Variants in HEATR1 observed in about 807,000 individuals in gnomAD.
HEATR1 encodes HEAT repeat containing 1.
HEATR1 carries 77 observed loss-of-function variants against 248.2 expected under a neutral mutation model. The observed-to-expected ratio is 0.31, with a 90% CI of 0.26 to 0.37. The LOEUF (loss-of-function observed/expected upper bound fraction) is 0.37. HEATR1 is among the 10% of genes least tolerant of loss of function. The pLI, the probability that HEATR1 is intolerant of heterozygous loss-of-function variation, is 1.00. For missense variants in HEATR1, 2,420 were observed against 2,504.9 expected (o/e 0.97, Z 0.72); for synonymous variants, 897 against 923.1 (o/e 0.97, Z 0.51).
chr1:236,598,507 T>C (rs1462632603), intron 4 of HEATR1, among the ~76,000 whole-genome samples: 1 of 152,056 alleles, frequency 6.6e-6, no homozygotes, highest in African/African-American at 2.4e-5. Flanking sequence ...GCAATAAGAG[T>C]GCCTAGGGAG....
chr1:236,568,780 T>C (rs539206582), intron 29 of HEATR1, among the ~76,000 whole-genome samples: 5 of 151,786 alleles, frequency 3.3e-5, no homozygotes, highest in Non-Finnish European at 5.9e-5. Flanking sequence ...TTTATATTAT[T>C]GAGAAAGACA....
chr1:236,552,196 C>T (rs1459873166), intron 43 of HEATR1, 89 bp from the exon 44 acceptor site: 1 of 813,538 alleles, frequency 1.2e-6, no homozygotes. Flanking sequence ...CAAGCTCTAA[C>T]TTTTTAAACA....
intron 3 of HEATR1, 75 bp downstream of exon 3, chr1:236,603,084 TA>T: frequency 9.4e-7 from 1 of 1,068,470 alleles, no homozygotes; most frequent in South Asian, 1.4e-5. Flanking sequence ...TTTAATTTGA[TA>T]AGTTCTCAAC....
intron 28 of HEATR1, among the ~76,000 whole-genome samples, chr1:236,569,504 G>A (rs188327346): frequency 6.6e-6 from 1 of 152,048 alleles, no homozygotes; most frequent in African/African-American, 2.4e-5. Context: ...AATAAAAAGA[G>A]AAATAACCTG....
chr1:236,584,089 G>T (rs941361459), intron 17 of HEATR1, among the ~76,000 whole-genome samples: 1 of 152,144 alleles, frequency 6.6e-6, no homozygotes, highest in African/African-American at 2.4e-5. Context: ...AACGTCTCCA[G>T]TGAGGGATTT....
At position 236,561,077 on chromosome 1, in the gene HEATR1, G is replaced by A. The variant is rs927502055; in HGVS notation, c.4646+148C>T. On this transcript the variant is annotated intron_variant, in intron 33 of 44. Transcript: ENST00000366582. ...TCAGAGAAAAAACCCTACATAGGGA[G>A]AACGCTAAGGCAAATGTGGCAGAAA... is the stretch of plus-strand genomic sequence containing the variant. The A allele has an allele frequency of 1.4e-5, 9 of 633,902 alleles. No individual in the cohort carries two copies. The South Asian group carries it at 1.7e-4, about 12-fold the overall frequency. 39.3% of individuals were successfully genotyped at this position (633,902 alleles called of 1,614,324 possible).
intron 3 of HEATR1, among the ~76,000 whole-genome samples, chr1:236,600,618 C>G (rs1485148252): frequency 1.3e-5 from 2 of 151,778 alleles, no homozygotes; most frequent in African/African-American, 4.8e-5. Flanking sequence ...GCAACCTTCG[C>G]CTCCCAAGTT....
chr1:236,561,374 C>A, intron 32 of HEATR1, 103 bp from the exon 33 acceptor site: 1 of 829,934 alleles, frequency 1.2e-6, no homozygotes. Flanking sequence ...AAACCTTCCA[C>A]AGCAACTGTT....
chr1:236,591,876 T>C (rs1664047513), intron 11 of HEATR1, 117 bp downstream of exon 11: 2 of 605,708 alleles, frequency 3.3e-6, no homozygotes, highest in South Asian at 2.6e-5. Context: ...TGTAGAAGGT[T>C]ATCTCTGTAA....
intron 16 of HEATR1, 113 bp downstream of exon 16, chr1:236,585,707 T>G: frequency 1.2e-6 from 1 of 862,896 alleles, no homozygotes; most frequent in Non-Finnish European, 1.8e-6. Flanking sequence ...TAAAACCAAG[T>G]ACTCAAGAAT....
intron 25 of HEATR1, 74 bp from the exon 26 acceptor site, chr1:236,572,628 T>C (rs899738449): frequency 1.2e-6 from 2 of 1,603,232 alleles, no homozygotes; most frequent in African/African-American, 2.7e-5. Flanking sequence ...TTGTGCCTGA[T>C]TATAGCAAAT....
chr1:236,565,891 C>T, intron 31 of HEATR1, 28 bp downstream of exon 31: 1 of 1,598,012 alleles, frequency 6.3e-7, no homozygotes, highest in Non-Finnish European at 8.5e-7. Flanking sequence ...TCAGATTGAA[C>T]AGTAAGTGAC....
At chr1:236,583,336 C>T (rs78914226) in intron 17 of HEATR1, 140 bp from the exon 18 acceptor site, 10 of 639,004 alleles carry the variant, frequency 1.6e-5, no homozygotes, top group Non-Finnish European at 1.8e-5. Context: ...CTGCTTTGGT[C>T]GGATTTTTAA....
Position 236,597,994 on chromosome 1 carries a change from A to G in HEATR1, c.502-15T>C. 1 of 1,538,018 alleles carries G rather than the reference A, an allele frequency of 6.5e-7. No homozygotes were observed. Among genetic ancestry groups the G allele is most frequent in the Non-Finnish European group, 9.0e-7 (1 of 1,111,506 alleles). ...ACTCCAGATTGCTGTTATTGATGGA[A>G]AGAACAAACTACTAGCAACATTCAT... On this transcript the variant is annotated splice_polypyrimidine_tract_variant and intron_variant, in intron 4 of 44. Coordinates refer to ENST00000366582, the MANE Select transcript of HEATR1 (RefSeq NM_018072.6).
At chr1:236,592,793 T>G (rs1001702618) in intron 9 of HEATR1, among the ~76,000 whole-genome samples, 160 bp from the exon 10 acceptor site, 11 of 152,230 alleles carry the variant, frequency 7.2e-5, no homozygotes, top group Non-Finnish European at 1.6e-4. Context: ...AGAGGCCTGG[T>G]GTAGTGGTTC....
intron 2 of HEATR1, 147 bp from the exon 3 acceptor site, chr1:236,603,523 T>C (rs1664383348): frequency 4.6e-6 from 3 of 655,036 alleles, no homozygotes; most frequent in African/African-American, 3.6e-5. Flanking sequence ...CACTGATTTC[T>C]AGTTTTCAAC....
At chr1:236,572,915 T>C (rs1026900350) in intron 24 of HEATR1, 87 bp from the exon 25 acceptor site, 3 of 1,208,256 alleles carry the variant, frequency 2.5e-6, no homozygotes, top group African/African-American at 1.5e-5. Flanking sequence ...GAAGGATTTA[T>C]TCAATTAAGA....
intron 32 of HEATR1, among the ~76,000 whole-genome samples, chr1:236,562,144 G>A: frequency 6.6e-6 from 1 of 152,132 alleles, no homozygotes; most frequent in East Asian, 1.9e-4. Context: ...CACATTTCCT[G>A]CTTACTGGAG....
rs11338847 is a variant in HEATR1 at position 236,581,420 on chromosome 1, T to TA, written c.2563-7dup. On this transcript the variant is annotated splice_region_variant and splice_polypyrimidine_tract_variant and intron_variant, in intron 19 of 44. Coordinates refer to ENST00000366582, the MANE Select transcript of HEATR1 (RefSeq NM_018072.6). The stretch of plus-strand genomic sequence containing the variant: ...AAAACATCTTCTAGATGCACCTAAT[T>TA]AAAAAAAAAAAAAAGCAAACTTTTA... 106,879 of 1,159,888 alleles carry TA rather than the reference T, an allele frequency of 0.092. 413 individuals carry two copies. Among genetic ancestry groups the TA allele is most frequent in the Non-Finnish European group, 0.1 (87,988 of 871,034 alleles). The allele number at this position is 1,159,888 out of a possible 1,614,324, so 71.8% of individuals were successfully genotyped here. A position where few individuals can be genotyped will look rare whatever the true frequency, so the allele number is the denominator to read the frequency against.
Sources: allele counts gnomAD v4.1 joint callset (sites outside exome capture counted in the v4.1 genomes callset), GRCh38; gene constraint gnomAD v4.1.1; transcripts MANE v1.5; gene names NCBI Gene and HGNC (gene_info 2026-07-23, HGNC 2026-07-21).